Variants in LDLRAD4 observed in about 807,000 individuals in gnomAD.
LDLRAD4 encodes low-density lipoprotein receptor class A domain-containing protein 4.
In LDLRAD4, 5 loss-of-function variants were observed where a neutral mutation model predicts 17.0. That is an observed-to-expected ratio of 0.29 (90% CI 0.15 to 0.62). LDLRAD4 has a LOEUF of 0.62. LDLRAD4 is among the 20% of genes least tolerant of loss of function. LDLRAD4 has a pLI of 0.84. For synonymous variants in LDLRAD4, 168 were observed against 171.8 expected (o/e 0.98, Z 0.17); for missense variants, 340 against 424.7 (o/e 0.80, Z 1.75).
intron 1 of LDLRAD4, among the ~76,000 whole-genome samples, chr18:13,357,335 A>G (rs2083404468): frequency 6.6e-6 from 1 of 151,504 alleles, no homozygotes; most frequent in Non-Finnish European, 1.5e-5. Context: ...ATTCTCCTAG[A>G]GTGTTGGTAT....
At chr18:13,512,399 T>C (rs180780773) in intron 3 of LDLRAD4, among the ~76,000 whole-genome samples, 31 of 152,306 alleles carry the variant, frequency 2.0e-4, no homozygotes, top group Admixed American at 1.0e-3. Flanking sequence ...GAACATCCCT[T>C]GTGGTTTTGT....
chr18:13,567,471 C>A (rs530477200), intron 3 of LDLRAD4, among the ~76,000 whole-genome samples: 1 of 152,314 alleles, frequency 6.6e-6, no homozygotes, highest in South Asian at 2.1e-4. Flanking sequence ...TGCAGCCCCC[C>A]AGGAGTTACG....
intron 2 of LDLRAD4, among the ~76,000 whole-genome samples, chr18:13,412,229 G>A (rs945953632): frequency 6.6e-6 from 1 of 152,204 alleles, no homozygotes; most frequent in Non-Finnish European, 1.5e-5. Context: ...CTTTGCCTCA[G>A]TTACTGCATT....
intron 2 of LDLRAD4, among the ~76,000 whole-genome samples, chr18:13,408,865 T>C (rs746916567): frequency 6.6e-6 from 1 of 152,172 alleles, no homozygotes; most frequent in Non-Finnish European, 1.5e-5. Context: ...TTCTTCCTTC[T>C]TTTTTTGCTT....
chr18:13,523,841 GT>G (rs2093989708), intron 3 of LDLRAD4, among the ~76,000 whole-genome samples: 2 of 152,258 alleles, frequency 1.3e-5, no homozygotes, highest in African/African-American at 2.4e-5. Flanking sequence ...TAAGGTTAAG[GT>G]GGTCCCAGCC....
chr18:13,249,725 C>T (rs1037542076), intron 1 of LDLRAD4, among the ~76,000 whole-genome samples: 4 of 152,004 alleles, frequency 2.6e-5, no homozygotes, highest in African/African-American at 9.7e-5. Flanking sequence ...TGATTGCTTC[C>T]CTTGCTGTGC....
intron 3 of LDLRAD4, among the ~76,000 whole-genome samples, chr18:13,438,814 C>T (rs2090837046): frequency 6.6e-6 from 1 of 152,154 alleles, no homozygotes; most frequent in Non-Finnish European, 1.5e-5. Flanking sequence ...ATGTGTTTTT[C>T]TATTAGATAC....
At chr18:13,439,174 A>G (rs2090863458) in intron 3 of LDLRAD4, among the ~76,000 whole-genome samples, 1 of 152,094 alleles carries the variant, frequency 6.6e-6, no homozygotes, top group African/African-American at 2.4e-5. Flanking sequence ...TTCTCTCCCC[A>G]GTTTTACTGA....
intron 1 of LDLRAD4, among the ~76,000 whole-genome samples, chr18:13,375,340 G>T (rs984010378): frequency 1.5e-4 from 23 of 152,188 alleles, no homozygotes; most frequent in African/African-American, 5.3e-4. Flanking sequence ...TTATTTAAAT[G>T]CCATCTTTAG....
At chr18:13,535,180 C>G (rs982791155) in intron 3 of LDLRAD4, among the ~76,000 whole-genome samples, 3 of 152,116 alleles carry the variant, frequency 2.0e-5, no homozygotes, top group Non-Finnish European at 4.4e-5. Flanking sequence ...TTTCATTTTT[C>G]TTTGTTAAAT....
intron 3 of LDLRAD4, among the ~76,000 whole-genome samples, chr18:13,462,962 C>A (rs1461544100): frequency 1.3e-5 from 2 of 152,122 alleles, no homozygotes; most frequent in African/African-American, 2.4e-5. Flanking sequence ...TTGCAGGGCT[C>A]TCTAGGGCAA....
intron 2 of LDLRAD4, among the ~76,000 whole-genome samples, chr18:13,425,213 GGT>G (rs1423965544): frequency 3.3e-5 from 5 of 152,200 alleles, no homozygotes; most frequent in African/African-American, 1.2e-4. Flanking sequence ...ATTTAAAGGT[GGT>G]AAGCCTTATA....
intron 1 of LDLRAD4, among the ~76,000 whole-genome samples, chr18:13,261,723 G>C (rs2043824528): frequency 6.6e-6 from 1 of 152,168 alleles, no homozygotes; most frequent in Non-Finnish European, 1.5e-5. Flanking sequence ...GATTTGTAAA[G>C]ACTTCATCTA....
chr18:13,542,962 G>A (rs1397206819), intron 3 of LDLRAD4: 2 of 152,132 alleles, frequency 1.3e-5, no homozygotes, highest in African/African-American at 4.8e-5. Flanking sequence ...GTATTAAGGA[G>A]AATCAACTCT....
At chr18:13,281,084 A>G (rs560645477) in intron 1 of LDLRAD4, among the ~76,000 whole-genome samples, 8 of 152,338 alleles carry the variant, frequency 5.3e-5, no homozygotes, top group Admixed American at 2.0e-4. Flanking sequence ...GCACCGTGCA[A>G]TAAAACAGAT....
intron 1 of LDLRAD4, among the ~76,000 whole-genome samples, chr18:13,253,936 C>T (rs1165615154): frequency 6.6e-6 from 1 of 152,222 alleles, no homozygotes; most frequent in African/African-American, 2.4e-5. Flanking sequence ...CAGTGTGTGC[C>T]CAGCCCTAGA....
intron 3 of LDLRAD4, chr18:13,488,866 C>T (rs1256132443): frequency 1.1e-4 from 16 of 152,240 alleles, no homozygotes; most frequent in Admixed American, 9.2e-4. Flanking sequence ...CCAGGGAGGT[C>T]CCTAAACACT....
At chr18:13,375,552 G>A (rs927805282) in intron 1 of LDLRAD4, among the ~76,000 whole-genome samples, 2 of 152,220 alleles carry the variant, frequency 1.3e-5, no homozygotes, top group African/African-American at 4.8e-5. Context: ...GAAGCTGAGT[G>A]AGATGGGGAG....
chr18:13,611,594 T>G, intron 3 of LDLRAD4: 2 of 985,414 alleles, frequency 2.0e-6, no homozygotes, highest in Non-Finnish European at 2.4e-6. Flanking sequence ...CTGAGACATG[T>G]CTCTGCTTTC....
Sources: gnomAD v4.1 joint callset for allele counts (sites outside exome capture counted in the v4.1 genomes callset) on GRCh38, gnomAD v4.1.1 for gene constraint, MANE v1.5 for transcripts, NCBI Gene and HGNC (gene_info 2026-07-23, HGNC 2026-07-21) for gene names.